MME: variants seen among roughly 807,000 people sequenced by gnomAD.
MME encodes the protein neprilysin.
MME carries 98 observed loss-of-function variants against 113.2 expected under a neutral mutation model. The observed-to-expected ratio is 0.87, with a 90% CI of 0.74 to 1.02. The LOEUF (loss-of-function observed/expected upper bound fraction) is 1.02. Among genes scored for constraint, MME ranks in the 50% least tolerant of loss-of-function variants. MME has a pLI of 0.00. For synonymous variants in MME, 292 were observed against 300.6 expected (o/e 0.97, Z 0.30); for missense variants, 836 against 896.0 (o/e 0.93, Z 0.86).
chr3:155,133,312 A>G (rs1287989968), intron 8 of MME, among the ~76,000 whole-genome samples: 5 of 151,542 alleles, frequency 3.3e-5, no homozygotes, highest in Non-Finnish European at 4.4e-5. Flanking sequence ...GTTACCAGGT[A>G]ATGGAATTCA....
At chr3:155,108,843 A>G (rs1334631741) in intron 3 of MME, among the ~76,000 whole-genome samples, 1 of 152,154 alleles carries the variant, frequency 6.6e-6, no homozygotes, top group East Asian at 1.9e-4. Context: ...TATAGTGCCC[A>G]AAATCCTATT....
chr3:155,133,052 A>ATAT (rs1720272906), intron 8 of MME, among the ~76,000 whole-genome samples: 1 of 86,672 alleles, frequency 1.2e-5, no homozygotes, highest in African/African-American at 4.5e-5. Flanking sequence ...AAAAAAAAAA[A>ATAT]AAAAAAAAAA....
chr3:155,067,139 C>T (rs1424237020), intron 1 of MME, among the ~76,000 whole-genome samples: 1 of 149,588 alleles, frequency 6.7e-6, no homozygotes, highest in East Asian at 2.0e-4. Flanking sequence ...GCAAAAGATT[C>T]TCCCAGAGAC....
At chr3:155,025,611 G>A (rs1314464744) in intron 1 of MME, among the ~76,000 whole-genome samples, 1 of 141,378 alleles carries the variant, frequency 7.1e-6, no homozygotes, top group Non-Finnish European at 1.5e-5. Flanking sequence ...GAGACAGAGC[G>A]AGACCCTGTC....
In MME at chr3:155,072,167, C is replaced by CAAAAAA. The variant is rs71155031; in HGVS notation, c.-10-11971_-10-11966dup. Among the ~76,000 whole-genome samples, 107 of 65,042 alleles carry CAAAAAA rather than the reference C, an allele frequency of 1.6e-3. 3 individuals are homozygous for CAAAAAA. The highest frequency in any genetic ancestry group is 3.9e-3 in the African/African-American group (55 of 14,012). The allele number at this position is 65,042 out of a possible 152,430, so 42.7% of individuals were successfully genotyped here. A position where few individuals can be genotyped will look rare whatever the true frequency, so the allele number is the denominator to read the frequency against. On this transcript the variant is annotated intron_variant, in intron 1 of 22. Coordinates refer to the MME transcript ENST00000492661. ...TGGGCGACAGAGCGAGACTCCGTCT[C>CAAAAAA]AAAAAAAAAAAAAAAAAAAAAAAAA...
At chr3:155,056,475 A>G (rs1052203814) in intron 1 of MME, among the ~76,000 whole-genome samples, 4 of 149,060 alleles carry the variant, frequency 2.7e-5, no homozygotes, top group African/African-American at 1.0e-4. Flanking sequence ...ATGATTTCCA[A>G]TTTCATCCAT....
intron 9 of MME, 30 bp downstream of exon 9, chr3:155,138,266 G>A (rs1310744689): frequency 6.2e-7 from 1 of 1,608,102 alleles, no homozygotes. Context: ...CTGATACACT[G>A]AATAATGTCA....
At chr3:155,136,878 C>T (rs533711769) in intron 8 of MME, among the ~76,000 whole-genome samples, 2 of 152,238 alleles carry the variant, frequency 1.3e-5, no homozygotes, top group East Asian at 3.9e-4. Context: ...GTCTTTGAAG[C>T]ATAGAAATCT....
At chr3:155,163,938 T>C (rs569295085) in intron 17 of MME, among the ~76,000 whole-genome samples, 1 of 151,560 alleles carries the variant, frequency 6.6e-6, no homozygotes, top group African/African-American at 2.4e-5. Context: ...AGCTCAGGAG[T>C]TGATACCAGC....
At chr3:155,035,631 A>G (rs561559278) in intron 1 of MME, among the ~76,000 whole-genome samples, 1 of 149,204 alleles carries the variant, frequency 6.7e-6, no homozygotes, top group Non-Finnish European at 1.5e-5. Flanking sequence ...GTGTAGATAT[A>G]TGGGGGGCAG....
At chr3:155,053,995 G>T (rs1405753624) in intron 1 of MME, among the ~76,000 whole-genome samples, 1 of 152,112 alleles carries the variant, frequency 6.6e-6, no homozygotes, top group Non-Finnish European at 1.5e-5. Context: ...TTTATCCTAT[G>T]CGTGTCCCAG....
chr3:155,030,454 C>G (rs1488968932), intron 1 of MME, among the ~76,000 whole-genome samples: 4 of 152,020 alleles, frequency 2.6e-5, no homozygotes, highest in Non-Finnish European at 5.9e-5. Context: ...CAGGGTGTAG[C>G]CCTTTAATCG....
intron 1 of MME, among the ~76,000 whole-genome samples, chr3:155,037,156 G>A (rs1713155267): frequency 6.6e-6 from 1 of 152,138 alleles, no homozygotes; most frequent in Admixed American, 6.5e-5. Flanking sequence ...TGACCCTCTA[G>A]TAAGTGGCAA....
At chr3:155,117,923 C>T (rs1718765686) in intron 7 of MME, among the ~76,000 whole-genome samples, 1 of 152,132 alleles carries the variant, frequency 6.6e-6, no homozygotes, top group African/African-American at 2.4e-5. Context: ...CTAGGATTCT[C>T]TCTTTAACCC....
chr3:155,138,651 A>G (rs1720822965), intron 9 of MME, among the ~76,000 whole-genome samples: 1 of 152,178 alleles, frequency 6.6e-6, no homozygotes, highest in South Asian at 2.1e-4. Context: ...TTCTTTGCTA[A>G]GAAGTATTAA....
At chr3:155,051,894 C>A (rs114050512) in intron 1 of MME, among the ~76,000 whole-genome samples, 9 of 152,220 alleles carry the variant, frequency 5.9e-5, no homozygotes, top group Non-Finnish European at 1.3e-4. Context: ...AAGTCCCTTC[C>A]GCCTATGAGC....
upstream of MME, among the ~76,000 whole-genome samples, chr3:155,079,486 C>T (rs955101331): frequency 6.6e-6 from 1 of 152,022 alleles, no homozygotes; most frequent in Non-Finnish European, 1.5e-5. Flanking sequence ...GAGGATGGGA[C>T]ATTTTCATTG....
intron 4 of MME, among the ~76,000 whole-genome samples, chr3:155,115,612 A>G (rs1718539000): frequency 6.6e-6 from 1 of 152,110 alleles, no homozygotes; most frequent in Non-Finnish European, 1.5e-5. Flanking sequence ...TATTTTTAGT[A>G]GGGACGGGGT....
chr3:155,060,585 T>C (rs1344576434), intron 1 of MME, among the ~76,000 whole-genome samples: 2 of 148,960 alleles, frequency 1.3e-5, no homozygotes, highest in East Asian at 3.9e-4. Context: ...ATGGTGAGAG[T>C]GGGGAGATGT....
Sources: allele counts gnomAD v4.1 joint callset (sites outside exome capture counted in the v4.1 genomes callset), GRCh38; gene constraint gnomAD v4.1.1; transcripts MANE v1.5; gene names NCBI Gene and HGNC (gene_info 2026-07-23, HGNC 2026-07-21).